The following TENT4B variants were observed in gnomAD, a reference collection of about 807,000 sequenced individuals.
TENT4B encodes PAP associated domain containing 5.
Under a neutral mutation model 75.0 loss-of-function variants are expected in TENT4B, and 10 were observed. The ratio of observed to expected loss-of-function variants is 0.13; its 90% CI spans 0.08 to 0.23. TENT4B has a LOEUF of 0.23. TENT4B is among the 10% of genes least tolerant of loss of function. The pLI, the probability that TENT4B is intolerant of heterozygous loss-of-function variation, is 1.00. For missense variants in TENT4B, 579 were observed against 893.8 expected (o/e 0.65, Z 4.49); for synonymous variants, 350 against 357.7 (o/e 0.98, Z 0.24).
intron 1 of TENT4B, among the ~76,000 whole-genome samples, chr16:50,162,362 G>T (rs1290594303): frequency 6.6e-6 from 1 of 152,054 alleles, no homozygotes; most frequent in Non-Finnish European, 1.5e-5. Flanking sequence ...GTGCATGTTT[G>T]GTTTTTAGAG....
chr16:50,224,519 G>A (rs1049843386), intron 7 of TENT4B, 138 bp from the exon 8 acceptor site: 3 of 983,690 alleles, frequency 3.0e-6, no homozygotes, highest in Non-Finnish European at 4.4e-6. Flanking sequence ...GGAGCTTTGG[G>A]GACAGCTCAC....
intron 1 of TENT4B, among the ~76,000 whole-genome samples, chr16:50,189,739 A>C (rs1043732906): frequency 2.1e-4 from 32 of 152,092 alleles, no homozygotes; most frequent in African/African-American, 6.8e-4. Flanking sequence ...ATAACCAGAT[A>C]ATTATATTTA....
At chr16:50,213,363 CTTTTTT>C (rs548754960) in intron 2 of TENT4B, among the ~76,000 whole-genome samples, 2 of 152,088 alleles carry the variant, frequency 1.3e-5, no homozygotes, top group Admixed American at 1.3e-4. Context: ...CCGGCCTATC[CTTTTTT>C]TATTACAATT....
chr16:50,225,765 C>T (rs558639425), intron 10 of TENT4B, among the ~76,000 whole-genome samples: 1 of 151,892 alleles, frequency 6.6e-6, no homozygotes, highest in East Asian at 1.9e-4. Context: ...TCACTGCAAC[C>T]TCCGCCTCCC....
intron 5 of TENT4B, 129 bp downstream of exon 5, chr16:50,217,792 G>T (rs1351368635): frequency 3.1e-4 from 33 of 105,896 alleles, no homozygotes; most frequent in Non-Finnish European, 3.2e-4. Flanking sequence ...TAGAGCTAGG[G>T]TCTCACTCTG....
rs1291829112 is a variant in TENT4B, at chr16:50,154,065, C to G, written c.444C>G (p.Ala148=). 2.0e-6 allele frequency: 3 copies of G among 1,531,704 alleles called. No homozygotes were observed. The highest frequency in any genetic ancestry group is 2.6e-6 in the Non-Finnish European group (3 of 1,145,160). 94.9% of individuals were successfully genotyped at this position (1,531,704 alleles called of 1,614,324 possible). Residue 148 remains alanine, a synonymous_variant, in exon 1 of 12, where the codon GCC becomes GCG. Transcript: ENST00000561678. ...SPHPSAAVPA[A]DPADSASGSS... ...ACCCTTCGGCCGCCGTCCCCGCCGCCGATCCAGCCGATTCGGCCTCGGGCA... is the reference window on the plus strand; with the variant it reads ...ACCCTTCGGCCGCCGTCCCCGCCGCGGATCCAGCCGATTCGGCCTCGGGCA...
At chr16:50,171,740 G>A (rs561276632) in intron 1 of TENT4B, among the ~76,000 whole-genome samples, 12 of 151,518 alleles carry the variant, frequency 7.9e-5, no homozygotes, top group Admixed American at 2.6e-4. Flanking sequence ...CAAGGCAGGC[G>A]GATCAGCTGA....
At position 50,222,321 on chromosome 16, in the gene TENT4B, C is replaced by T; in HGVS notation, c.1054C>T (p.Pro352Ser). The change falls in exon 6 of 12, where the codon CCA becomes TCA. Residue 352 changes from proline (P) to serine (S), a missense_variant. Around this residue, in one of 7 missense-constraint regions of TENT4B, gnomAD observed 71 missense variants for 210.6 expected, o/e 0.34. Transcript: ENST00000561678. The part of the protein sequence containing the change: ...KDFTKKYPVL[P>S]YLVLVLKQFL... Reference sequence around the variant, plus strand: ...TCTTTTTCAGAAATATCCTGTATTGCCATACTTGGTTTTAGTATTGAAACA... The same window carrying T: ...TCTTTTTCAGAAATATCCTGTATTGTCATACTTGGTTTTAGTATTGAAACA... 6.3e-6 allele frequency: 10 copies of T among 1,599,614 alleles called. No individual in the cohort carries two copies. Among genetic ancestry groups the T allele is most frequent in the Non-Finnish European group, 8.5e-6 (10 of 1,171,628 alleles).
chr16:50,225,027 A>G, intron 9 of TENT4B, 33 bp downstream of exon 9: 3 of 1,609,592 alleles, frequency 1.9e-6, no homozygotes, highest in Non-Finnish European at 2.5e-6. Flanking sequence ...TTGACTGAGT[A>G]TTAGAGGCTT....
At chr16:50,205,301 C>A (rs1406114697) in intron 1 of TENT4B, among the ~76,000 whole-genome samples, 1 of 152,012 alleles carries the variant, frequency 6.6e-6, no homozygotes, top group Non-Finnish European at 1.5e-5. Flanking sequence ...ATCTCCTGGA[C>A]TATAATCTCA....
rs1395480743 is a variant in TENT4B at position 50,231,899 on chromosome 16, T to A, written c.*2571T>A. On this transcript the variant is annotated 3_prime_UTR_variant, in exon 12 of 12. Transcript: ENST00000561678. ...CCTATCTTATTTCTTTTTTGAGTTT[T>A]AATACTTCCTATATTTTGTGAATAT... 1.0e-6 allele frequency: 1 copy of A among 979,732 alleles called. No homozygotes were observed. Among genetic ancestry groups the A allele is most frequent in the Non-Finnish European group, 1.2e-6 (1 of 824,782 alleles). The allele number at this position is 979,732 out of a possible 1,614,324, so 60.7% of individuals were successfully genotyped here.
rs764421701 is a variant in TENT4B, at chr16:50,207,068, C to CT, written c.639-4242dup. ...ATTAATTTTGTTTCTCTTGCTCTCT[C>CT]TTTTTTTTTTTTTGGCATCCTTTCC... On this transcript the variant is annotated intron_variant, in intron 1 of 11. Coordinates refer to ENST00000561678, the MANE Select transcript of TENT4B (RefSeq NM_001365324.3). Among the ~76,000 whole-genome samples the CT allele has an allele frequency of 4.3e-3, 604 of 140,852 alleles. 1 individual carries two copies. The highest frequency in any genetic ancestry group is 8.3e-3 in the African/African-American group (321 of 38,682). The allele number at this position is 140,852 out of a possible 152,430, so 92.4% of individuals were successfully genotyped here. A position where few individuals can be genotyped will look rare whatever the true frequency, so the allele number is the denominator to read the frequency against.
At chr16:50,217,102 T>C (rs894898269) in intron 4 of TENT4B, among the ~76,000 whole-genome samples, 7 of 152,198 alleles carry the variant, frequency 4.6e-5, no homozygotes, top group African/African-American at 1.7e-4. Context: ...CTTCATCTTA[T>C]ACTCAGAAAG....
intron 1 of TENT4B, among the ~76,000 whole-genome samples, chr16:50,194,657 A>G (rs980499036): frequency 1.3e-5 from 2 of 150,792 alleles, no homozygotes; most frequent in Non-Finnish European, 1.5e-5. Flanking sequence ...CTCAAGCGAT[A>G]CTTGCACTTC....
chr16:50,182,891 CTTTTTTTTTTTTTTTTT>C lies in TENT4B; in HGVS notation c.639-28417_639-28401del, dbSNP rs869060811. Among the ~76,000 whole-genome samples, 11 of 36,470 alleles carry C rather than the reference CTTTTTTTTTTTTTTTTT, an allele frequency of 3.0e-4. 1 individual carries two copies. Among genetic ancestry groups the C allele is most frequent in the South Asian group, 4.1e-3 (2 of 488 alleles). 23.9% of individuals were successfully genotyped at this position (36,470 alleles called of 152,430 possible). A position where few individuals can be genotyped will look rare whatever the true frequency, so the allele number is the denominator to read the frequency against. ...CCAAGTACAGCAAGTTTTATTTTAC[CTTTTTTTTTTTTTTTTT>C]TTTTTTTTTTTTTTGAGTTAGGCCA... On this transcript the variant is annotated intron_variant, in intron 1 of 11. Coordinates refer to ENST00000561678, the MANE Select transcript of TENT4B (RefSeq NM_001365324.3).
chr16:50,233,186 A>G lies in TENT4B; in HGVS notation c.*3858A>G. The G allele has an allele frequency of 1.0e-6, 1 of 984,938 alleles. No homozygotes were observed. The highest frequency in any genetic ancestry group is 1.2e-6 in the Non-Finnish European group (1 of 829,468). The allele number at this position is 984,938 out of a possible 1,614,324, so 61.0% of individuals were successfully genotyped here. ...AGGGTCATAGTTCATCTAGTAAAAT[A>G]TTTAGAGAATGATGTTAACATTCCA... On this transcript the variant is annotated 3_prime_UTR_variant, in exon 12 of 12. Coordinates refer to ENST00000561678, the MANE Select transcript of TENT4B (RefSeq NM_001365324.3).
At chr16:50,189,937 G>C (rs751727107) in intron 1 of TENT4B, among the ~76,000 whole-genome samples, 1 of 151,542 alleles carries the variant, frequency 6.6e-6, no homozygotes, top group African/African-American at 2.4e-5. Context: ...TTAGCCTGGC[G>C]TAGTGGTGCA....
chr16:50,234,247 A>G lies in TENT4B; in HGVS notation c.*4919A>G, dbSNP rs1596769909. ...AGCGGGAGGATGGCTTGAGGCTGGG[A>G]GTTTGAGACCTTCATCTCTTAAAAA... is the stretch of plus-strand genomic sequence containing the variant. On this transcript the variant is annotated 3_prime_UTR_variant, in exon 12 of 12. Transcript: ENST00000561678. 1.0e-6 allele frequency: 1 copy of G among 985,538 alleles called. No homozygotes were observed. Among genetic ancestry groups the G allele is most frequent in the Non-Finnish European group, 1.2e-6 (1 of 830,048 alleles). The allele number at this position is 985,538 out of a possible 1,614,324, so 61.0% of individuals were successfully genotyped here. A position where few individuals can be genotyped will look rare whatever the true frequency, so the allele number is the denominator to read the frequency against.
intron 1 of TENT4B, among the ~76,000 whole-genome samples, chr16:50,167,643 T>G (rs377350572): frequency 7.1e-6 from 1 of 141,454 alleles, no homozygotes; most frequent in African/African-American, 2.6e-5. Flanking sequence ...TGTATTTAGG[T>G]CTTTGATACA....
Sources: allele counts gnomAD v4.1 joint callset (sites outside exome capture counted in the v4.1 genomes callset), GRCh38; gene constraint gnomAD v4.1.1; regional missense constraint gnomAD v4.1.1; transcripts MANE v1.5; gene names NCBI Gene and HGNC (gene_info 2026-07-23, HGNC 2026-07-21).